FOXN2: variants seen among roughly 807,000 people sequenced by gnomAD.
The protein encoded by FOXN2 is forkhead box N2.
FOXN2 carries 19 observed loss-of-function variants against 41.2 expected under a neutral mutation model. The ratio of observed to expected loss-of-function variants is 0.46; its 90% CI spans 0.32 to 0.68. The LOEUF (loss-of-function observed/expected upper bound fraction) is 0.68, where lower values mean the gene tolerates loss of function less well. FOXN2 is among the 30% of genes least tolerant of loss of function. The probability of loss-of-function intolerance (pLI) is 0.03; values close to 1 mark genes in which losing one functional copy is unlikely to be tolerated. For missense variants in FOXN2, 587 were observed against 509.4 expected (o/e 1.15, Z -1.47); for synonymous variants, 195 against 176.8 (o/e 1.10, Z -0.82).
chr2:48,362,702 T>G lies in FOXN2; in HGVS notation c.698T>G (p.Leu233Arg), dbSNP rs577212352. 4.3e-6 allele frequency: 7 copies of G among 1,612,894 alleles called. No homozygotes were observed. Among genetic ancestry groups the G allele is most frequent in the Non-Finnish European group, 5.9e-6 (7 of 1,179,030 alleles). Residue 233 changes from leucine (L) to arginine (R), a missense_variant, in exon 5 of 7, where the codon CTC (leucine) becomes CGC (arginine). Transcript: ENST00000340553. Reference sequence around the variant, plus strand: ...ATCAAGCAGAACCAGGTGCGAAACCTCAAAGGTATGTGTGAATATCAGTAC... The same window carrying G: ...ATCAAGCAGAACCAGGTGCGAAACCGCAAAGGTATGTGTGAATATCAGTAC... ...SVIKQNQVRN[L>R]KESDIDAAAA... is the part of the protein sequence containing the mutation.
At chr2:48,319,087 T>C (rs1275936108) in intron 1 of FOXN2, among the ~76,000 whole-genome samples, 4 of 152,144 alleles carry the variant, frequency 2.6e-5, no homozygotes, top group African/African-American at 9.7e-5. Flanking sequence ...TTACAGGTGT[T>C]AGAAGAAAAT....
chr2:48,365,945 C>T (rs1228222417), intron 5 of FOXN2, among the ~76,000 whole-genome samples: 1 of 152,256 alleles, frequency 6.6e-6, no homozygotes, highest in East Asian at 1.9e-4. Context: ...TTAAAAAACA[C>T]CAAGTGGATT....
intron 5 of FOXN2, among the ~76,000 whole-genome samples, chr2:48,367,780 C>G (rs955152509): frequency 1.3e-5 from 2 of 152,152 alleles, no homozygotes; most frequent in Non-Finnish European, 2.9e-5. Context: ...AATCATTTCC[C>G]AACATCAAGG....
chr2:48,341,192 A>G (rs1221880563), intron 2 of FOXN2, among the ~76,000 whole-genome samples: 2 of 152,120 alleles, frequency 1.3e-5, no homozygotes, highest in Non-Finnish European at 2.9e-5. Flanking sequence ...CCTTTTATTT[A>G]TGCATTTGGC....
intron 5 of FOXN2, among the ~76,000 whole-genome samples, chr2:48,368,272 A>G (rs1196935844): frequency 6.6e-6 from 1 of 152,238 alleles, no homozygotes; most frequent in Admixed American, 6.5e-5. Context: ...ATTGTTTTTA[A>G]AAACAGAGCC....
At chr2:48,333,618 ATAT>A (rs1375148876) in intron 2 of FOXN2, among the ~76,000 whole-genome samples, 1 of 152,160 alleles carries the variant, frequency 6.6e-6, no homozygotes, top group East Asian at 1.9e-4. Context: ...CAGATCTGTG[ATAT>A]TATATGAAAT....
intron 5 of FOXN2, among the ~76,000 whole-genome samples, chr2:48,367,435 A>G (rs1394277107): frequency 6.6e-6 from 1 of 152,200 alleles, no homozygotes; most frequent in African/African-American, 2.4e-5. Flanking sequence ...GGCTACATGT[A>G]AAGCTAAGAT....
chr2:48,373,391 T>G (rs780732535), intron 6 of FOXN2, 31 bp downstream of exon 6: 5 of 1,261,958 alleles, frequency 4.0e-6, no homozygotes, highest in Middle Eastern at 1.9e-4. Flanking sequence ...TAAAAAAAAA[T>G]TTTAGTGCCT....
intron 2 of FOXN2, among the ~76,000 whole-genome samples, chr2:48,340,100 T>G (rs940550983): frequency 1.3e-5 from 2 of 152,220 alleles, no homozygotes; most frequent in Non-Finnish European, 2.9e-5. Context: ...AAAAAACCTT[T>G]TGTTAACTCG....
At chr2:48,353,204 G>A (rs745933294) in intron 3 of FOXN2, among the ~76,000 whole-genome samples, 31 of 152,168 alleles carry the variant, frequency 2.0e-4, no homozygotes, top group Non-Finnish European at 3.8e-4. Context: ...CCCCAGTTTG[G>A]CTTCTGCCTG....
chr2:48,371,502 G>A lies in FOXN2; in HGVS notation c.704-1790G>A, dbSNP rs188390744. 3.4e-4 allele frequency among the ~76,000 whole-genome samples: 52 copies of A among 152,062 alleles called. No homozygotes were observed. In the East Asian group the frequency reaches 8.7e-3, roughly 25 times the overall value. The stretch of plus-strand genomic sequence containing the variant: ...TTTATGCCAGTACCTTGCTTTTTTG[G>A]TTACTACAGCTTTGTAGTATATTTT... On this transcript the variant is annotated intron_variant, in intron 5 of 6. Transcript: ENST00000340553.
chr2:48,374,743 A>G (rs2104546272), intron 6 of FOXN2, among the ~76,000 whole-genome samples, 177 bp from the exon 7 acceptor site: 1 of 152,322 alleles, frequency 6.6e-6, no homozygotes, highest in South Asian at 2.1e-4. Context: ...ATGGTTTTTA[A>G]ATGTTTCAAA....
At chr2:48,333,151 G>C (rs922522282) in intron 2 of FOXN2, among the ~76,000 whole-genome samples, 9 of 151,990 alleles carry the variant, frequency 5.9e-5, no homozygotes, top group African/African-American at 2.2e-4. Context: ...ATTTACGATA[G>C]ACTCTAAGCA....
intron 1 of FOXN2, among the ~76,000 whole-genome samples, chr2:48,323,164 G>GTT (rs574899580): frequency 1.4e-5 from 2 of 147,144 alleles, no homozygotes; most frequent in Non-Finnish European, 1.5e-5. Context: ...TAAATATTCT[G>GTT]TTTTTTTTTT....
intron 1 of FOXN2, among the ~76,000 whole-genome samples, chr2:48,315,026 G>T (rs1376924235): frequency 6.6e-6 from 1 of 152,106 alleles, no homozygotes; most frequent in African/African-American, 2.4e-5. Flanking sequence ...TGGTGTGTGG[G>T]CTCCGGGGGA....
At chr2:48,356,407 C>T (rs1320608981) in intron 3 of FOXN2, among the ~76,000 whole-genome samples, 1 of 152,048 alleles carries the variant, frequency 6.6e-6, no homozygotes, top group African/African-American at 2.4e-5. Flanking sequence ...CGCCACTGCA[C>T]TCCAGCCTGA....
chr2:48,338,409 T>C (rs1050836492), intron 2 of FOXN2, among the ~76,000 whole-genome samples: 2 of 151,818 alleles, frequency 1.3e-5, no homozygotes, highest in Admixed American at 6.6e-5. Flanking sequence ...TTTTTTTTTT[T>C]TTGAGACGGA....
At chr2:48,331,826 G>C (rs1259528289) in intron 2 of FOXN2, among the ~76,000 whole-genome samples, 1 of 149,448 alleles carries the variant, frequency 6.7e-6, no homozygotes. Flanking sequence ...AAAAAAGAAA[G>C]AAAAATCCCA....
At chr2:48,340,855 G>A (rs977733448) in intron 2 of FOXN2, 4 of 152,190 alleles carry the variant, frequency 2.6e-5, no homozygotes, top group African/African-American at 9.6e-5. Flanking sequence ...AATTCTCCTC[G>A]TGAATAATTT....
Sources: gnomAD v4.1 joint callset for allele counts (sites outside exome capture counted in the v4.1 genomes callset) on GRCh38, gnomAD v4.1.1 for gene constraint, MANE v1.5 for transcripts, NCBI Gene and HGNC (gene_info 2026-07-23, HGNC 2026-07-21) for gene names.